The following POFUT3 variants were observed in gnomAD, a reference collection of about 807,000 sequenced individuals.
The protein encoded by POFUT3 is GDP-fucose protein O-fucosyltransferase 3.
At chr8:33,430,596 T>C in the POFUT3 span, among the ~76,000 whole-genome samples, 1 of 152,150 alleles carries the variant, frequency 6.6e-6, no homozygotes, top group Non-Finnish European at 1.5e-5. Context: ...CATTGCTTTA[T>C]TTATTTATTT....
chr8:33,329,516 A>G, the POFUT3 span, among the ~76,000 whole-genome samples: 2 of 152,320 alleles, frequency 1.3e-5, no homozygotes, highest in East Asian at 1.9e-4. Flanking sequence ...TACTGGACCC[A>G]TAACTATTAC....
At chr8:33,309,051 C>T in the POFUT3 span, among the ~76,000 whole-genome samples, 1 of 146,308 alleles carries the variant, frequency 6.8e-6, no homozygotes, top group East Asian at 2.0e-4. Flanking sequence ...GCGAAACCTC[C>T]ATAGTCTGGT....
At chr8:33,458,502 G>A in the POFUT3 span, among the ~76,000 whole-genome samples, 16 of 152,216 alleles carry the variant, frequency 1.1e-4, no homozygotes, top group African/African-American at 3.9e-4. Flanking sequence ...ATCACTTGAG[G>A]TCAGGAGTTC....
the POFUT3 span, among the ~76,000 whole-genome samples, chr8:33,411,047 G>T: frequency 6.6e-6 from 1 of 152,312 alleles, no homozygotes; most frequent in African/African-American, 2.4e-5. Flanking sequence ...GGGCCATTCA[G>T]ATGCCAAACC....
the POFUT3 span, among the ~76,000 whole-genome samples, chr8:33,311,240 T>C: frequency 2.6e-5 from 4 of 152,360 alleles, no homozygotes; most frequent in South Asian, 8.3e-4. Context: ...AATTGTAATT[T>C]TTCTCCATGT....
chr8:33,315,146 C>T, the POFUT3 span, among the ~76,000 whole-genome samples: 10 of 152,300 alleles, frequency 6.6e-5, no homozygotes, highest in African/African-American at 2.4e-4. Flanking sequence ...ATTCAGACAG[C>T]TAACACAGAA....
chr8:33,379,153 GA>G, the POFUT3 span, among the ~76,000 whole-genome samples: 3 of 152,050 alleles, frequency 2.0e-5, no homozygotes, highest in Admixed American at 6.6e-5. Context: ...TTTTCGCCAT[GA>G]TTGTAAGTTT....
the POFUT3 span, among the ~76,000 whole-genome samples, chr8:33,379,854 TATATATATATA>T: frequency 7.9e-6 from 1 of 126,284 alleles, no homozygotes. Context: ...AAAATATATA[TATATATATATA>T]ATATATATAT....
chr8:33,345,977 C>T, the POFUT3 span, among the ~76,000 whole-genome samples: 1 of 151,834 alleles, frequency 6.6e-6, no homozygotes, highest in African/African-American at 2.4e-5. Flanking sequence ...AGGTGCCTGC[C>T]ACCACGCCCA....
chr8:33,423,818 TAAAAAAAAAAAAA>T, the POFUT3 span, among the ~76,000 whole-genome samples: 1 of 70,136 alleles, frequency 1.4e-5, no homozygotes, highest in Non-Finnish European at 2.5e-5. Context: ...GCACACCAAG[TAAAAAAAAAAAAA>T]AAAAAAAAAA....
chr8:33,449,000 A>C, the POFUT3 span, among the ~76,000 whole-genome samples: 1 of 152,144 alleles, frequency 6.6e-6, no homozygotes, highest in African/African-American at 2.4e-5. Flanking sequence ...GCAGTGCGCT[A>C]TATACAGTGG....
the POFUT3 span, among the ~76,000 whole-genome samples, chr8:33,470,236 CAAAAA>C: frequency 1.2e-4 from 11 of 89,072 alleles, no homozygotes; most frequent in African/African-American, 3.7e-4. Flanking sequence ...CCCATCTCTA[CAAAAA>C]AAAAAAAAAA....
the POFUT3 span, among the ~76,000 whole-genome samples, chr8:33,379,982 A>C: frequency 2.7e-4 from 23 of 84,752 alleles, 2 homozygotes; most frequent in South Asian, 1.7e-3. Flanking sequence ...TATACACTCT[A>C]TATATATAGT....
the POFUT3 span, among the ~76,000 whole-genome samples, chr8:33,422,596 G>C: frequency 7.8e-6 from 1 of 127,706 alleles, no homozygotes; most frequent in East Asian, 2.3e-4. Context: ...TTTCCACAAA[G>C]TTGTTGCCCC....
the POFUT3 span, among the ~76,000 whole-genome samples, chr8:33,422,316 G>A: frequency 6.6e-6 from 1 of 151,626 alleles, no homozygotes; most frequent in Non-Finnish European, 1.5e-5. Flanking sequence ...GCCAAGATGG[G>A]TGGATCACCT....
the POFUT3 span, chr8:33,372,726 G>C: frequency 1.2e-6 from 2 of 1,613,982 alleles, no homozygotes; most frequent in African/African-American, 2.7e-5. Context: ...GGAGTCCGGA[G>C]TGGTGAGAAA....
the POFUT3 span, among the ~76,000 whole-genome samples, chr8:33,359,957 G>C: frequency 6.6e-6 from 1 of 152,042 alleles, no homozygotes; most frequent in Non-Finnish European, 1.5e-5. Flanking sequence ...AGTGAGCTGA[G>C]ATCACGCCAC....
chr8:33,345,550 G>A, the POFUT3 span, among the ~76,000 whole-genome samples: 1 of 151,868 alleles, frequency 6.6e-6, no homozygotes, highest in Non-Finnish European at 1.5e-5. Context: ...ATAGGCGCCT[G>A]CCACCACGCC....
chr8:33,337,061 A>C, the POFUT3 span, among the ~76,000 whole-genome samples: 1 of 152,070 alleles, frequency 6.6e-6, no homozygotes, highest in African/African-American at 2.4e-5. Flanking sequence ...TTACTCCTGA[A>C]CTCTACCGCT....
Sources: allele counts gnomAD v4.1 joint callset (sites outside exome capture counted in the v4.1 genomes callset), GRCh38; gene constraint gnomAD v4.1.1; transcripts MANE v1.5; gene names NCBI Gene and HGNC (gene_info 2026-07-23, HGNC 2026-07-21).